Variants in SPAG9 observed in about 807,000 individuals in gnomAD.
The protein encoded by SPAG9 is sperm associated antigen 9.
In SPAG9, 35 loss-of-function variants were observed where a neutral mutation model predicts 166.5. The observed-to-expected ratio is 0.21, with a 90% CI of 0.16 to 0.28. The LOEUF (loss-of-function observed/expected upper bound fraction) is 0.28, where lower values mean the gene tolerates loss of function less well. SPAG9 is among the 10% of genes least tolerant of loss of function. The pLI is 1.00. For synonymous variants in SPAG9, 534 were observed against 565.5 expected (o/e 0.94, Z 0.79); for missense variants, 1,235 against 1,603.3 (o/e 0.77, Z 3.92).
At chr17:51,050,016 G>T (rs910034283) in intron 3 of SPAG9, among the ~76,000 whole-genome samples, 2 of 152,202 alleles carry the variant, frequency 1.3e-5, no homozygotes, top group Non-Finnish European at 2.9e-5. Flanking sequence ...ACCCCAGATT[G>T]CTGTATAGTA....
At chr17:51,073,013 A>C (rs1043081221) in intron 2 of SPAG9, among the ~76,000 whole-genome samples, 11 of 152,014 alleles carry the variant, frequency 7.2e-5, no homozygotes, top group African/African-American at 2.7e-4. Context: ...AACATGGCAA[A>C]ACCCTGGCTC....
intron 1 of SPAG9, among the ~76,000 whole-genome samples, chr17:51,110,401 A>C (rs1367363038): frequency 6.6e-6 from 1 of 152,058 alleles, no homozygotes; most frequent in Non-Finnish European, 1.5e-5. Context: ...AAAAAAAAAA[A>C]AAACCCTAGC....
At chr17:51,004,396 A>C (rs1211689126) in intron 12 of SPAG9, among the ~76,000 whole-genome samples, 2 of 152,208 alleles carry the variant, frequency 1.3e-5, no homozygotes, top group East Asian at 1.9e-4. Flanking sequence ...TGTCCAAAAC[A>C]ACCACATATC....
At chr17:51,045,725 C>T (rs1358810780) in intron 4 of SPAG9, among the ~76,000 whole-genome samples, 1 of 152,066 alleles carries the variant, frequency 6.6e-6, no homozygotes, top group Non-Finnish European at 1.5e-5. Flanking sequence ...GAAACCACAA[C>T]CTTAAGCCTC....
At chr17:51,050,312 AT>A (rs2047145678) in intron 3 of SPAG9, among the ~76,000 whole-genome samples, 1 of 152,222 alleles carries the variant, frequency 6.6e-6, no homozygotes. Context: ...GGCAGCTATT[AT>A]TTATTGAGCA....
chr17:50,997,104 C>G lies in SPAG9; in HGVS notation c.1839-410G>C, dbSNP rs531183015. On this transcript the variant is annotated intron_variant, in intron 15 of 29. Coordinates refer to ENST00000262013, the MANE Select transcript of SPAG9 (RefSeq NM_001130528.3). The stretch of plus-strand genomic sequence containing the variant: ...TGAGCCAAGATGGTGCCACTGCACT[C>G]CAGCCTGGGGGACAAGAGCAAAACT... Among the ~76,000 whole-genome samples the G allele has an allele frequency of 1.6e-4, 24 of 152,274 alleles. No homozygotes were observed. The South Asian group carries it at 4.8e-3, about 30-fold the overall frequency.
At chr17:51,076,780 AT>A (rs1482833348) in intron 2 of SPAG9, among the ~76,000 whole-genome samples, 3 of 151,926 alleles carry the variant, frequency 2.0e-5, no homozygotes, top group Non-Finnish European at 4.4e-5. Flanking sequence ...CCCTGCAGAT[AT>A]CAACAAGAAA....
intron 12 of SPAG9, among the ~76,000 whole-genome samples, chr17:51,004,706 G>A (rs1015788822): frequency 3.9e-5 from 6 of 152,010 alleles, no homozygotes; most frequent in Admixed American, 3.9e-4. Context: ...CTCCAGCCTC[G>A]GTGACAGACT....
In SPAG9 at chr17:51,021,255, G is replaced by C; in HGVS notation, c.894C>G (p.Asn298Lys). ...IPTDTPLKEENEGFVKVTDAP... is the reference protein window; with the variant it reads ...IPTDTPLKEEKEGFVKVTDAP... ...CATCTGTAACCTTCACAAATCCTTC[G>C]TTTTCTTCCTTTAAGGGAGTATCAG... The change falls in exon 7 of 30, where the codon AAC becomes AAG. Residue 298 changes from asparagine (N) to lysine (K), a missense_variant. Transcript: ENST00000262013. 1 of 1,614,000 alleles carries C rather than the reference G, an allele frequency of 6.2e-7. No individual in the cohort carries two copies.
chr17:51,011,491 T>C (rs1368623972), intron 9 of SPAG9, among the ~76,000 whole-genome samples: 1 of 151,828 alleles, frequency 6.6e-6, no homozygotes, highest in African/African-American at 2.4e-5. Flanking sequence ...CAAGCAATTC[T>C]CCTGCCTCAG....
chr17:51,052,274 G>T (rs557988091), intron 3 of SPAG9, among the ~76,000 whole-genome samples: 8 of 152,124 alleles, frequency 5.3e-5, no homozygotes, highest in African/African-American at 1.9e-4. Flanking sequence ...TTTTAAGGGC[G>T]CCTAGTTCTT....
At chr17:50,972,734 C>A (rs958031719) in intron 28 of SPAG9, among the ~76,000 whole-genome samples, 3 of 152,230 alleles carry the variant, frequency 2.0e-5, no homozygotes, top group African/African-American at 2.4e-5. Flanking sequence ...CGTATCCCCA[C>A]AGGGATTCAT....
At chr17:51,077,025 G>GCTATCTAGCTAT (rs2048007576) in intron 2 of SPAG9, among the ~76,000 whole-genome samples, 4 of 86,756 alleles carry the variant, frequency 4.6e-5, no homozygotes, top group Non-Finnish European at 7.5e-5. Flanking sequence ...TAGCTATCTA[G>GCTATCTAGCTAT]CTATCTATCT....
At chr17:50,992,428 C>T (rs1037064386) in intron 19 of SPAG9, among the ~76,000 whole-genome samples, 8 of 152,070 alleles carry the variant, frequency 5.3e-5, no homozygotes, top group East Asian at 1.9e-4. Flanking sequence ...CCCAATACTT[C>T]GGGAGGCCAA....
intron 27 of SPAG9, chr17:50,975,754 G>A (rs1462739706): frequency 1.9e-5 from 15 of 808,874 alleles, no homozygotes; most frequent in Non-Finnish European, 2.8e-5. Context: ...GTGACTGCAA[G>A]TGGATAACAT....
chr17:51,032,008 G>A, intron 5 of SPAG9: 2 of 525,524 alleles, frequency 3.8e-6, no homozygotes. Context: ...ACCACTTTAT[G>A]AAATCTTCCT....
At position 51,089,661 on chromosome 17, in the gene SPAG9, T is replaced by TATATACAC. The variant is rs1426675943; in HGVS notation, c.304-9958_304-9957insGTGTATAT. 3.1e-5 allele frequency among the ~76,000 whole-genome samples: 3 copies of TATATACAC among 97,894 alleles called. No individual in the cohort carries two copies. The Admixed American group carries it at 3.4e-4, about 11-fold the overall frequency. The allele number at this position is 97,894 out of a possible 152,430, so 64.2% of individuals were successfully genotyped here. ...ATATATATATATATATATATATATATATACACATACACACACACACTTTCT... is the reference window on the plus strand; with the variant it reads ...ATATATATATATATATATATATATATATATACACATACACATACACACACACACTTTCT... On this transcript the variant is annotated intron_variant, in intron 1 of 29. Transcript: ENST00000262013.
At chr17:51,075,342 T>A (rs2047941011) in intron 2 of SPAG9, among the ~76,000 whole-genome samples, 1 of 152,070 alleles carries the variant, frequency 6.6e-6, no homozygotes. Context: ...TAGTAATTCA[T>A]TCCACTTAGA....
At chr17:51,036,505 C>T (rs2046589265) in intron 5 of SPAG9, among the ~76,000 whole-genome samples, 1 of 152,086 alleles carries the variant, frequency 6.6e-6, no homozygotes, top group Admixed American at 6.6e-5. Context: ...CACTAATGCC[C>T]TTCTTTTCCC....
Sources: allele counts gnomAD v4.1 joint callset (sites outside exome capture counted in the v4.1 genomes callset), GRCh38; gene constraint gnomAD v4.1.1; transcripts MANE v1.5; gene names NCBI Gene and HGNC (gene_info 2026-07-23, HGNC 2026-07-21).